Variants in ERC2 observed in about 807,000 individuals in gnomAD.
ERC2 encodes the protein ELKS/RAB6-interacting/CAST family member 2, also known as ERC protein 2.
A neutral mutation model predicts 114.8 loss-of-function variants in ERC2; 42 were observed. The observed-to-expected ratio is 0.37, with a 90% CI of 0.29 to 0.47. The LOEUF (loss-of-function observed/expected upper bound fraction) is 0.47, where lower values mean the gene tolerates loss of function less well. Ranked by LOEUF, ERC2 falls within the 20% of genes least tolerant of loss-of-function variation. The pLI is 0.99. For synonymous variants in ERC2, 454 were observed against 425.5 expected (o/e 1.07, Z -0.82); for missense variants, 939 against 1,150.7 (o/e 0.82, Z 2.66).
At chr3:56,030,800 G>A (rs558125101) in intron 7 of ERC2, among the ~76,000 whole-genome samples, 6 of 152,204 alleles carry the variant, frequency 3.9e-5, no homozygotes, top group Admixed American at 6.5e-5. Flanking sequence ...TATACCCTCC[G>A]AATGGAGCAC....
intron 3 of ERC2, among the ~76,000 whole-genome samples, chr3:56,286,414 CAAAA>C (rs778645110): frequency 2.3e-4 from 7 of 30,318 alleles, no homozygotes; most frequent in African/African-American, 5.6e-4. Context: ...AACTCCATCT[CAAAA>C]AAAAAAAAAA....
chr3:55,693,908 C>G (rs1447825005), intron 16 of ERC2, among the ~76,000 whole-genome samples: 3 of 152,170 alleles, frequency 2.0e-5, no homozygotes, highest in African/African-American at 7.2e-5. Flanking sequence ...GGGGTTTCAG[C>G]ACATTGGCCA....
chr3:56,259,272 C>CA (rs1439973499), intron 3 of ERC2, among the ~76,000 whole-genome samples: 1 of 151,946 alleles, frequency 6.6e-6, no homozygotes, highest in African/African-American at 2.4e-5. Flanking sequence ...GCCCCCAGCC[C>CA]AAAAAACTAT....
At chr3:56,142,842 T>A (rs1448528921) in intron 5 of ERC2, among the ~76,000 whole-genome samples, 1 of 152,062 alleles carries the variant, frequency 6.6e-6, no homozygotes, top group Non-Finnish European at 1.5e-5. Context: ...ACTAGTTTTT[T>A]TTTTTTGGAA....
intron 15 of ERC2, among the ~76,000 whole-genome samples, chr3:55,725,079 C>T (rs1487893383): frequency 4.6e-5 from 7 of 152,166 alleles, no homozygotes; most frequent in African/African-American, 1.7e-4. Context: ...ATGCTATTCC[C>T]TGTTTTGGTC....
chr3:56,010,559 G>T lies in ERC2; in HGVS notation c.1810C>A (p.Arg604=). 6.2e-7 allele frequency: 1 copy of T among 1,613,134 alleles called. No individual in the cohort carries two copies. Residue 604 remains arginine, a synonymous_variant, in exon 9 of 18, where the codon CGA becomes AGA. Coordinates refer to ENST00000288221, the MANE Select transcript of ERC2 (RefSeq NM_015576.3). ...ERIIERLKEQ[R]ERDDRERLEE... ...AGTCTTTCCCGATCATCTCTTTCTC[G>T]CTGTTCTTTCAAGCGCTCAATTATT... is the stretch of plus-strand genomic sequence containing the variant.
intron 2 of ERC2, among the ~76,000 whole-genome samples, chr3:56,329,920 C>T (rs987204475): frequency 6.8e-6 from 1 of 148,090 alleles, no homozygotes; most frequent in South Asian, 2.1e-4. Flanking sequence ...TCATGTGTTT[C>T]CAATATACAT....
intron 5 of ERC2, among the ~76,000 whole-genome samples, chr3:56,144,566 C>T (rs987784399): frequency 2.0e-5 from 3 of 152,122 alleles, no homozygotes; most frequent in Non-Finnish European, 4.4e-5. Flanking sequence ...CAGTAGAAAG[C>T]CAGTGTCGGG....
At chr3:55,950,295 T>C in intron 13 of ERC2, 130 bp downstream of exon 13, 3 of 1,136,196 alleles carry the variant, frequency 2.6e-6, no homozygotes, top group East Asian at 2.6e-5. Context: ...CTGGGTTCCC[T>C]GTTAGTGCTA....
rs141910917 is a variant in ERC2, at chr3:55,691,391, G to A, written c.2848-7532C>T. On this transcript the variant is annotated intron_variant, in intron 16 of 17. Coordinates refer to ENST00000288221, the MANE Select transcript of ERC2 (RefSeq NM_015576.3). ...AAAGGACTGGCCCAGGAGTGGCAAC[G>A]GTCAAAACTTCTGAACCCTTCTCCC... 5.9e-5 allele frequency among the ~76,000 whole-genome samples: 9 copies of A among 151,494 alleles called. No homozygotes were observed. The East Asian group carries it at 1.2e-3, about 20-fold the overall frequency.
At chr3:55,536,995 A>G (rs2054040397) in intron 17 of ERC2, among the ~76,000 whole-genome samples, 1 of 152,266 alleles carries the variant, frequency 6.6e-6, no homozygotes, top group Non-Finnish European at 1.5e-5. Context: ...GGCAAAAGAA[A>G]AGCGTCTAGA....
intron 2 of ERC2, among the ~76,000 whole-genome samples, chr3:56,320,417 C>T (rs913224183): frequency 6.6e-6 from 1 of 152,278 alleles, no homozygotes; most frequent in African/African-American, 2.4e-5. Context: ...AACAGCTTAC[C>T]ACTGACATAA....
At chr3:55,899,442 C>T (rs2064007959) in intron 13 of ERC2, among the ~76,000 whole-genome samples, 1 of 152,034 alleles carries the variant, frequency 6.6e-6, no homozygotes, top group African/African-American at 2.4e-5. Context: ...CATACACAAA[C>T]ATATATGTAT....
Position 56,307,909 on chromosome 3 carries a change from G to A in ERC2, c.658-11474C>T, listed in dbSNP as rs764270971. 2.0e-5 allele frequency among the ~76,000 whole-genome samples: 3 copies of A among 151,760 alleles called. No individual in the cohort carries two copies. The East Asian group carries it at 5.8e-4, about 29-fold the overall frequency. ...TTTCTAATTTTCATAATGAAGTATA[G>A]AAGAAAGGTGAGAGGACCAGAGGGA... is the stretch of plus-strand genomic sequence containing the variant. On this transcript the variant is annotated intron_variant, in intron 2 of 17. Coordinates refer to ENST00000288221, the MANE Select transcript of ERC2 (RefSeq NM_015576.3).
At chr3:56,252,757 C>CAAAAAAAAAAAAAAAAAAAAA (rs71099628) in intron 3 of ERC2, among the ~76,000 whole-genome samples, 1 of 74,166 alleles carries the variant, frequency 1.3e-5, no homozygotes, top group Non-Finnish European at 2.5e-5. Flanking sequence ...AACTCTGTCT[C>CAAAAAAAAAAAAAAAAAAAAA]AAAAAAAAAA....
At chr3:55,956,574 T>C (rs905335397) in intron 12 of ERC2, among the ~76,000 whole-genome samples, 6 of 152,156 alleles carry the variant, frequency 3.9e-5, no homozygotes, top group Non-Finnish European at 1.5e-5. Context: ...ATGAGCATGA[T>C]ATCCTTTCCA....
At chr3:55,886,189 T>A (rs1423722634) in intron 14 of ERC2, among the ~76,000 whole-genome samples, 1 of 152,190 alleles carries the variant, frequency 6.6e-6, no homozygotes, top group African/African-American at 2.4e-5. Flanking sequence ...AATGGACCCA[T>A]ATTGCTAATG....
At chr3:55,934,784 T>C (rs574163384) in intron 13 of ERC2, among the ~76,000 whole-genome samples, 21 of 152,366 alleles carry the variant, frequency 1.4e-4, no homozygotes, top group Admixed American at 9.1e-4. Context: ...GAAGTCTTTT[T>C]GTGATTACAA....
At chr3:55,688,244 C>T (rs2062439225) in intron 16 of ERC2, among the ~76,000 whole-genome samples, 1 of 152,148 alleles carries the variant, frequency 6.6e-6, no homozygotes, top group African/African-American at 2.4e-5. Context: ...TATGTATTTG[C>T]ACCTCCTCCA....
Sources: gnomAD v4.1 joint callset for allele counts (sites outside exome capture counted in the v4.1 genomes callset) on GRCh38, gnomAD v4.1.1 for gene constraint, MANE v1.5 for transcripts, NCBI Gene and HGNC (gene_info 2026-07-23, HGNC 2026-07-21) for gene names.